Variants in JPH3 observed in about 807,000 individuals in gnomAD.
JPH3 encodes junctophilin-3.
A neutral mutation model predicts 59.6 loss-of-function variants in JPH3; 11 were observed. The observed-to-expected ratio is 0.18, with a 90% CI of 0.12 to 0.31. JPH3 has a LOEUF of 0.31. JPH3 is among the 10% of genes least tolerant of loss of function. JPH3 has a pLI of 1.00. For missense variants in JPH3, 1,202 were observed against 1,105.7 expected (o/e 1.09, Z -1.24); for synonymous variants, 673 against 483.6 (o/e 1.39, Z -5.14).
At chr16:87,645,902 C>T (rs764866303) in intron 2 of JPH3, among the ~76,000 whole-genome samples, 5 of 152,212 alleles carry the variant, frequency 3.3e-5, no homozygotes, top group Non-Finnish European at 5.9e-5. Flanking sequence ...TCTAAAGTAA[C>T]TGAGGTTACT....
intron 1 of JPH3, among the ~76,000 whole-genome samples, chr16:87,641,185 G>A (rs1304790497): frequency 6.6e-6 from 1 of 152,182 alleles, no homozygotes; most frequent in Non-Finnish European, 1.5e-5. Flanking sequence ...GGTGTGCAGT[G>A]GTGTTGTGGG....
At chr16:87,622,099 CAG>C (rs1491355490) in intron 1 of JPH3, among the ~76,000 whole-genome samples, 5 of 132,786 alleles carry the variant, frequency 3.8e-5, no homozygotes, top group South Asian at 4.5e-4. Flanking sequence ...CTCCAGGTGT[CAG>C]GGGGGGGCCC....
At chr16:87,691,774 C>T (rs571591132) in intron 4 of JPH3, among the ~76,000 whole-genome samples, 13 of 152,252 alleles carry the variant, frequency 8.5e-5, no homozygotes, top group Admixed American at 6.5e-4. Flanking sequence ...AGCCCCTATG[C>T]TCCTGCTGGG....
At position 87,697,265 on chromosome 16, in the gene JPH3, A is replaced by T. The variant is rs113377620; in HGVS notation, c.*605A>T. 1.9e-3 allele frequency: 289 copies of T among 153,914 alleles called. 3 individuals are homozygous for T. Among genetic ancestry groups the T allele is most frequent in the African/African-American group, 6.5e-3 (272 of 41,564 alleles). The allele number at this position is 153,914 out of a possible 1,614,324, so 9.5% of individuals were successfully genotyped here. On this transcript the variant is annotated 3_prime_UTR_variant, in exon 5 of 5. Coordinates refer to ENST00000284262, the MANE Select transcript of JPH3 (RefSeq NM_020655.4). ...CGGCCACCTCCTCCCTGTGAGACGG[A>T]TGCAGGTCCTTCCCTCTTCTCGGCA...
At chr16:87,627,793 G>T (rs932407292) in intron 1 of JPH3, among the ~76,000 whole-genome samples, 1 of 152,208 alleles carries the variant, frequency 6.6e-6, no homozygotes, top group African/African-American at 2.4e-5. Context: ...CACCCATGCC[G>T]GTGGGCGGGT....
chr16:87,612,162 G>T (rs755703296), intron 1 of JPH3, among the ~76,000 whole-genome samples: 1 of 152,170 alleles, frequency 6.6e-6, no homozygotes, highest in African/African-American at 2.4e-5. Context: ...GGCTCCGTCT[G>T]TCGTCCTGGC....
At chr16:87,664,832 C>G (rs754024302) in intron 2 of JPH3, among the ~76,000 whole-genome samples, 2 of 152,070 alleles carry the variant, frequency 1.3e-5, no homozygotes, top group Non-Finnish European at 2.9e-5. Context: ...AGGGTCCCAG[C>G]TAGCAGGTGG....
intron 1 of JPH3, among the ~76,000 whole-genome samples, chr16:87,637,545 A>G (rs1309190440): frequency 6.6e-6 from 1 of 151,796 alleles, no homozygotes; most frequent in Non-Finnish European, 1.5e-5. Flanking sequence ...GAGTCATGGG[A>G]CCCAGTCACG....
chr16:87,696,032 C>T lies in JPH3; in HGVS notation c.2167-548C>T, dbSNP rs529934640. Reference sequence around the variant, plus strand: ...GACACAGTCCTCCAGAGCCAGTTGGCGTGAGGGGTTTGTTGAGGAAGGTGT... The same window carrying T: ...GACACAGTCCTCCAGAGCCAGTTGGTGTGAGGGGTTTGTTGAGGAAGGTGT... On this transcript the variant is annotated intron_variant, in intron 4 of 4. Coordinates refer to ENST00000284262, the MANE Select transcript of JPH3 (RefSeq NM_020655.4). 7.2e-5 allele frequency: 33 copies of T among 456,024 alleles called. No homozygotes were observed. In the East Asian group the frequency reaches 1.1e-3, roughly 15 times the overall value. The allele number at this position is 456,024 out of a possible 1,614,324, so 28.2% of individuals were successfully genotyped here. A position where few individuals can be genotyped will look rare whatever the true frequency, so the allele number is the denominator to read the frequency against.
chr16:87,621,594 G>C (rs532121947), intron 1 of JPH3, among the ~76,000 whole-genome samples: 1 of 152,338 alleles, frequency 6.6e-6, no homozygotes, highest in South Asian at 2.1e-4. Context: ...AGGAGCAATT[G>C]CTGTGCAAAC....
rs8045093 is a variant in JPH3 at position 87,629,905 on chromosome 16, G to A, written c.383-14353G>A. Among the ~76,000 whole-genome samples, 496 of 152,246 alleles carry A rather than the reference G, an allele frequency of 3.3e-3. 6 individuals are homozygous for A. Among genetic ancestry groups the A allele is most frequent in the African/African-American group, 0.011 (455 of 41,552 alleles). The stretch of plus-strand genomic sequence containing the variant: ...ATGCTAATATCAGGGGAAGTGGGGG[G>A]CGAGGGGATACAGTATATGGGAACT... On this transcript the variant is annotated intron_variant, in intron 1 of 4. Transcript: ENST00000284262.
In JPH3 at chr16:87,603,093, C is replaced by G; in HGVS notation, c.-54C>G. 1.9e-6 allele frequency: 3 copies of G among 1,610,726 alleles called. No homozygotes were observed. Among genetic ancestry groups the G allele is most frequent in the Non-Finnish European group, 2.5e-6 (3 of 1,178,324 alleles). On this transcript the variant is annotated 5_prime_UTR_variant, in exon 1 of 5. Transcript: ENST00000284262. ...GCCGGCGGCCGCGACTCTGCTGTGT[C>G]GATCGCCTGAGTCCGTTTTCACCGT...
chr16:87,602,161 C>G (rs951292744), upstream of JPH3: 4 of 151,736 alleles, frequency 2.6e-5, no homozygotes, highest in East Asian at 5.9e-4. Context: ...GCCCAGCTCC[C>G]GGGAGGGGGC....
intron 1 of JPH3, among the ~76,000 whole-genome samples, chr16:87,617,202 G>T (rs2031003330): frequency 1.3e-5 from 2 of 152,168 alleles, no homozygotes; most frequent in African/African-American, 4.8e-5. Flanking sequence ...CAGCCTGGGT[G>T]ACAGAGTGAG....
Position 87,689,629 on chromosome 16 carries a change from C to T in JPH3, c.1286-17C>T, listed in dbSNP as rs1231179719. The T allele has an allele frequency of 4.3e-6, 7 of 1,609,714 alleles. No homozygotes were observed. Among genetic ancestry groups the T allele is most frequent in the Non-Finnish European group, 5.9e-6 (7 of 1,178,636 alleles). Reference sequence around the variant, plus strand: ...GCTGGGTAACGCCGTCTGGCGTCGTCTTGTGTCCCCATACAGGGCTGGAGT... The same window carrying T: ...GCTGGGTAACGCCGTCTGGCGTCGTTTTGTGTCCCCATACAGGGCTGGAGT... On this transcript the variant is annotated splice_polypyrimidine_tract_variant and intron_variant, in intron 3 of 4. Transcript: ENST00000284262.
Position 87,608,736 on chromosome 16 carries a change from C to T in JPH3, c.382+5208C>T, listed in dbSNP as rs943946709. ...CGGACCCTCCAGCACACTCAACCAC[C>T]AGAAGTGTGCCTATGCCTGTGCCAG... is the stretch of plus-strand genomic sequence containing the variant. On this transcript the variant is annotated intron_variant, in intron 1 of 4. Coordinates refer to ENST00000284262, the MANE Select transcript of JPH3 (RefSeq NM_020655.4). Among the ~76,000 whole-genome samples the T allele has an allele frequency of 7.2e-5, 11 of 152,184 alleles. No homozygotes were observed. In the East Asian group the frequency reaches 1.7e-3, roughly 24 times the overall value.
In JPH3 at chr16:87,644,630, C is replaced by T. The variant is rs780784674; in HGVS notation, c.755C>T (p.Thr252Ile). 24 of 1,612,342 alleles carry T rather than the reference C, an allele frequency of 1.5e-5. No homozygotes were observed. The Admixed American group carries it at 3.7e-4, about 25-fold the overall frequency. ...SSFRSEAGMS[T>I]VSSTASDIHS... ...TTTCGCAGCGAGGCGGGCATGAGCA[C>T]CGTCAGCTCCACGGCCAGCGACATC... The change falls in exon 2 of 5, where the codon ACC (threonine) becomes ATC (isoleucine). Residue 252 changes from threonine to isoleucine, a missense_variant. Physicochemically the swap from Thr to Ile is moderately conservative, Grantham distance 89. Transcript: ENST00000284262.
intron 2 of JPH3, chr16:87,654,806 A>T (rs1005784319): frequency 6.6e-6 from 1 of 152,244 alleles, no homozygotes; most frequent in African/African-American, 2.4e-5. Flanking sequence ...CCACGTGGAG[A>T]TGCTGCTCCC....
chr16:87,690,311 G>A lies in JPH3; in HGVS notation c.1951G>A (p.Gly651Arg). Residue 651 changes from glycine (G) to arginine (R), a missense_variant, in exon 4 of 5, where the codon GGG becomes AGG. Gly to Arg is a moderately radical substitution (Grantham distance 125). Transcript: ENST00000284262. ...CCACCGCCCCGAGGACCGGGGCTTCGGGGTGCAGAGACTGCGGTCCAAGGC... is the reference window on the plus strand; with the variant it reads ...CCACCGCCCCGAGGACCGGGGCTTCAGGGTGCAGAGACTGCGGTCCAAGGC... ...DDHRPEDRGF[G>R]VQRLRSKAQN... 1.3e-6 allele frequency: 2 copies of A among 1,594,258 alleles called. No homozygotes were observed. The highest frequency in any genetic ancestry group is 2.3e-5 in the East Asian group (1 of 43,872).
Sources: allele counts gnomAD v4.1 joint callset (sites outside exome capture counted in the v4.1 genomes callset), GRCh38; gene constraint gnomAD v4.1.1; transcripts MANE v1.5; gene names NCBI Gene and HGNC (gene_info 2026-07-23, HGNC 2026-07-21).